PTN: variants seen among roughly 807,000 people sequenced by gnomAD.
The protein encoded by PTN is pleiotrophin.
A neutral mutation model predicts 24.1 loss-of-function variants in PTN; 18 were observed. The ratio of observed to expected loss-of-function variants is 0.75; its 90% CI spans 0.52 to 1.11. The LOEUF (loss-of-function observed/expected upper bound fraction) is 1.11, where lower values mean the gene tolerates loss of function less well. Ranked by LOEUF, PTN falls within the 50% of genes least tolerant of loss-of-function variation. PTN has a pLI of 0.00. For missense variants in PTN, 163 were observed against 198.8 expected, an observed-to-expected ratio of 0.82 and a Z score of 1.08; for synonymous variants, 78 against 68.6, an observed-to-expected ratio of 1.14 and a Z score of -0.67.
At chr7:137,287,212 T>C (rs1809570434) in intron 1 of PTN, among the ~76,000 whole-genome samples, 4 of 152,186 alleles carry the variant, frequency 2.6e-5, no homozygotes. Context: ...TTAGTAAAAA[T>C]GTTTCTGCTG....
chr7:137,329,383 T>C (rs1810313313), intron 1 of PTN, among the ~76,000 whole-genome samples: 2 of 152,212 alleles, frequency 1.3e-5, no homozygotes, highest in South Asian at 4.1e-4. Context: ...AGCAACGTTT[T>C]AGAGGTGCTG....
intron 4 of PTN, among the ~76,000 whole-genome samples, chr7:137,242,117 T>C (rs569979578): frequency 6.6e-6 from 1 of 152,296 alleles, no homozygotes; most frequent in Non-Finnish European, 1.5e-5. Context: ...GGGGAGAGAA[T>C]TGAGAATGCT....
Position 137,324,433 on chromosome 7 carries a change from A to AAAAAAAAAAAAAAT in PTN, c.-2+19005_-2+19006insATTTTTTTTTTTTT. Among the ~76,000 whole-genome samples, 70 of 88,746 alleles carry AAAAAAAAAAAAAAT rather than the reference A, an allele frequency of 7.9e-4. 1 individual carries two copies. Among genetic ancestry groups the AAAAAAAAAAAAAAT allele is most frequent in the African/African-American group, 4.1e-3 (60 of 14,470 alleles). The allele number at this position is 88,746 out of a possible 152,430, so 58.2% of individuals were successfully genotyped here. Reference sequence around the variant, plus strand: ...CCCTGTCTCTAAAAAAAAAAAAAAAAATATATATATATATATATAAATTAA... The same window carrying AAAAAAAAAAAAAAT: ...CCCTGTCTCTAAAAAAAAAAAAAAAAAAAAAAAAAAAAATATATATATATATATATATAAATTAA... On this transcript the variant is annotated intron_variant, in intron 1 of 4. Transcript: ENST00000348225.
chr7:137,318,510 T>C (rs1365590046), intron 1 of PTN: 2 of 152,218 alleles, frequency 1.3e-5, no homozygotes, highest in Admixed American at 6.5e-5. Flanking sequence ...TCATCGTATA[T>C]AATTTTAAGA....
chr7:137,284,436 CCT>C (rs918680638), intron 1 of PTN, among the ~76,000 whole-genome samples: 10 of 151,632 alleles, frequency 6.6e-5, no homozygotes, highest in Non-Finnish European at 1.3e-4. Flanking sequence ...CACTCACTGA[CCT>C]CTCTCTCTCT....
At chr7:137,255,039 A>C in intron 1 of PTN, 65 bp from the exon 2 acceptor site, 1 of 1,156,244 alleles carries the variant, frequency 8.6e-7, no homozygotes, top group South Asian at 2.1e-5. Flanking sequence ...AGATTCATTG[A>C]ACCCTTGATG....
intron 1 of PTN, among the ~76,000 whole-genome samples, chr7:137,282,153 C>T (rs1218842636): frequency 6.6e-6 from 1 of 152,178 alleles, no homozygotes. Flanking sequence ...TCAGTGATTA[C>T]AACATTCAGA....
chr7:137,272,305 C>A lies in PTN; in HGVS notation c.-1-17331G>T, dbSNP rs753831047. ...ATCTATCTTTAGCCAGAAAGAAGTA[C>A]TTATAATTATTTAAACCCAGAAACA... On this transcript the variant is annotated intron_variant, in intron 1 of 4. Coordinates refer to ENST00000348225, the MANE Select transcript of PTN (RefSeq NM_002825.7). Among the ~76,000 whole-genome samples, 18 of 152,330 alleles carry A rather than the reference C, an allele frequency of 1.2e-4. No homozygotes were observed. In the Middle Eastern group the frequency reaches 0.014, roughly 115 times the overall value.
At chr7:137,317,563 C>T (rs1442284425) in intron 1 of PTN, among the ~76,000 whole-genome samples, 1 of 152,138 alleles carries the variant, frequency 6.6e-6, no homozygotes, top group African/African-American at 2.4e-5. Context: ...TTACTGAGTT[C>T]CTTTTCATCC....
chr7:137,232,886 T>C (rs1808452007), intron 4 of PTN, among the ~76,000 whole-genome samples: 1 of 151,948 alleles, frequency 6.6e-6, no homozygotes, highest in East Asian at 1.9e-4. Flanking sequence ...CTTGCATTCA[T>C]TCTCTTTCCT....
At position 137,230,031 on chromosome 7, in the gene PTN, T is replaced by C. The variant is rs181166722; in HGVS notation, c.452-1956A>G. Among the ~76,000 whole-genome samples, 783 of 151,934 alleles carry C rather than the reference T, an allele frequency of 5.2e-3. 8 individuals carry two copies. Among genetic ancestry groups the C allele is most frequent in the African/African-American group, 0.018 (751 of 41,516 alleles). ...TTCCTGGAAAACCCTCAGGAACTTGTTATCTTCTAGGTCTCCAGTAGAGTG... is the reference window on the plus strand; with the variant it reads ...TTCCTGGAAAACCCTCAGGAACTTGCTATCTTCTAGGTCTCCAGTAGAGTG... On this transcript the variant is annotated intron_variant, in intron 4 of 4. Transcript: ENST00000348225.
intron 1 of PTN, among the ~76,000 whole-genome samples, chr7:137,333,383 G>C (rs1810392532): frequency 6.6e-6 from 1 of 152,150 alleles, no homozygotes; most frequent in Admixed American, 6.5e-5. Context: ...GCTTCTATTT[G>C]TTCTAGCCTG....
At chr7:137,253,737 T>G in intron 2 of PTN, 100 bp from the exon 3 acceptor site, 1 of 1,054,710 alleles carries the variant, frequency 9.5e-7, no homozygotes, top group Non-Finnish European at 1.3e-6. Context: ...AGGATCTGTG[T>G]TTTTTAATCT....
chr7:137,291,587 G>C (rs770742072), intron 1 of PTN, among the ~76,000 whole-genome samples: 1 of 151,892 alleles, frequency 6.6e-6, no homozygotes, highest in Non-Finnish European at 1.5e-5. Context: ...CATTGTCCTT[G>C]ACCACCAGTT....
intron 1 of PTN, among the ~76,000 whole-genome samples, chr7:137,305,266 C>T (rs974706380): frequency 6.6e-5 from 10 of 152,048 alleles, no homozygotes; most frequent in African/African-American, 2.4e-4. Context: ...CATTCTTTAA[C>T]CTATTAATCA....
rs55929953 is a variant in PTN, at chr7:137,333,729, G to A, written c.-2+9710C>T. On this transcript the variant is annotated intron_variant, in intron 1 of 4. Coordinates refer to ENST00000348225, the MANE Select transcript of PTN (RefSeq NM_002825.7). ...ATGGAACCAAAAAAGAGCCTGCATC[G>A]CCAAGTCAATTCTAAGCCAAAAGAA... 5.5e-3 allele frequency among the ~76,000 whole-genome samples: 832 copies of A among 152,156 alleles called. 8 individuals carry two copies. Among genetic ancestry groups the A allele is most frequent in the African/African-American group, 0.019 (788 of 41,522 alleles).
intron 1 of PTN, among the ~76,000 whole-genome samples, chr7:137,320,241 G>A (rs1318226699): frequency 6.6e-6 from 1 of 152,124 alleles, no homozygotes; most frequent in African/African-American, 2.4e-5. Context: ...ACATTCACAG[G>A]CACTGTCTCT....
rs144115147 is a variant in PTN, at chr7:137,332,776, T to C, written c.-2+10663A>G. On this transcript the variant is annotated intron_variant, in intron 1 of 4. Coordinates refer to ENST00000348225, the MANE Select transcript of PTN (RefSeq NM_002825.7). Reference sequence around the variant, plus strand: ...TTCTTTCAAGACCAAAGTATGTTTTTTAAGCCAACAATCTGATGTTCATAA... The same window carrying C: ...TTCTTTCAAGACCAAAGTATGTTTTCTAAGCCAACAATCTGATGTTCATAA... Among the ~76,000 whole-genome samples the C allele has an allele frequency of 4.0e-3, 608 of 152,300 alleles. 6 individuals are homozygous for C. The highest frequency in any genetic ancestry group is 0.014 in the African/African-American group (590 of 41,570).
intron 2 of PTN, among the ~76,000 whole-genome samples, chr7:137,253,897 T>C (rs1403555204): frequency 6.6e-6 from 1 of 152,218 alleles, no homozygotes; most frequent in Non-Finnish European, 1.5e-5. Context: ...TGCCAGAGAC[T>C]GTGCTAAGTG....
Sources: gnomAD v4.1 joint callset for allele counts (sites outside exome capture counted in the v4.1 genomes callset) on GRCh38, gnomAD v4.1.1 for gene constraint, MANE v1.5 for transcripts, NCBI Gene and HGNC (gene_info 2026-07-23, HGNC 2026-07-21) for gene names.